Variants in TSNARE1 observed in about 807,000 individuals in gnomAD.
The protein encoded by TSNARE1 is t-SNARE domain-containing protein 1.
In TSNARE1, 49 loss-of-function variants were observed where a neutral mutation model predicts 62.0. That is an observed-to-expected ratio of 0.79 (90% confidence interval 0.63 to 1.00). TSNARE1 has a LOEUF of 1.00. Among genes scored for constraint, TSNARE1 ranks in the 50% least tolerant of loss-of-function variants. The pLI is 0.00. For synonymous variants in TSNARE1, 328 were observed against 294.4 expected, an observed-to-expected ratio of 1.11 and a Z score of -1.17; for missense variants, 755 against 700.1, an observed-to-expected ratio of 1.08 and a Z score of -0.88.
chr8:142,246,419 A>T (rs1046712849), intron 12 of TSNARE1, among the ~76,000 whole-genome samples: 3 of 149,728 alleles, frequency 2.0e-5, no homozygotes, highest in Non-Finnish European at 4.5e-5. Context: ...GCCTGCCCCC[A>T]TCTGAGGAGT....
At chr8:142,316,287 C>T (rs1405663469) in intron 7 of TSNARE1, among the ~76,000 whole-genome samples, 4 of 151,674 alleles carry the variant, frequency 2.6e-5, no homozygotes, top group Non-Finnish European at 5.9e-5. Flanking sequence ...AGCACCTGGT[C>T]CCCACAGAGT....
intron 9 of TSNARE1, among the ~76,000 whole-genome samples, chr8:142,314,072 C>A (rs1250486423): frequency 6.6e-6 from 1 of 152,244 alleles, no homozygotes; most frequent in Non-Finnish European, 1.5e-5. Context: ...AGCCACCGCG[C>A]CCGGCCACGT....
At chr8:142,304,496 A>C (rs1177027371) in intron 9 of TSNARE1, among the ~76,000 whole-genome samples, 1 of 152,170 alleles carries the variant, frequency 6.6e-6, no homozygotes, top group African/African-American at 2.4e-5. Context: ...CTGACCCCTC[A>C]TGTCTGCAGA....
Position 142,287,049 on chromosome 8 carries a change from C to T in TSNARE1, c.1291-2564G>A, listed in dbSNP as rs139776212. 3.9e-3 allele frequency among the ~76,000 whole-genome samples: 599 copies of T among 152,370 alleles called. 5 individuals are homozygous for T. Among genetic ancestry groups the T allele is most frequent in the African/African-American group, 0.014 (569 of 41,580 alleles). ...GAAAATGCTGGAATCCGCATCCAAC[C>T]CACATTTAGACAGACTCCAACCCAG... is the stretch of plus-strand genomic sequence containing the variant. On this transcript the variant is annotated intron_variant, in intron 10 of 13. Transcript: ENST00000524325.
At position 142,354,641 on chromosome 8, in the gene TSNARE1, G is replaced by C. The variant is rs1283338230; in HGVS notation, c.84C>G (p.Pro28=). 3 of 1,611,832 alleles carry C rather than the reference G, an allele frequency of 1.9e-6. No individual in the cohort carries two copies. Among genetic ancestry groups the C allele is most frequent in the Non-Finnish European group, 2.5e-6 (3 of 1,178,860 alleles). The part of the protein sequence containing the change: ...FGGPSRQGCQ[P]LECARCWTEY... ...ACTTCCAGCTACTATCATTACCTAG[G>C]GGCTGACAGCCTTGTCTCGAAGGTC... is the stretch of plus-strand genomic sequence containing the variant. The change falls in exon 2 of 14, where the codon CCC becomes CCG. Residue 28 remains proline, a synonymous_variant. Coordinates refer to ENST00000524325, the MANE Select transcript of TSNARE1 (RefSeq NM_145003.5).
intron 1 of TSNARE1, among the ~76,000 whole-genome samples, chr8:142,361,527 G>C (rs1835161863): frequency 6.6e-6 from 1 of 152,212 alleles, no homozygotes; most frequent in South Asian, 2.1e-4. Flanking sequence ...CGAGGGGCCA[G>C]GGCACGGGCG....
chr8:142,382,893 G>A (rs1836869263), intron 1 of TSNARE1, among the ~76,000 whole-genome samples: 1 of 152,220 alleles, frequency 6.6e-6, no homozygotes, highest in Admixed American at 6.5e-5. Flanking sequence ...GTCCAGGGTG[G>A]AGGCAGCAGG....
At chr8:142,273,469 C>G in intron 12 of TSNARE1, 1 of 985,432 alleles carries the variant, frequency 1.0e-6, no homozygotes, top group Non-Finnish European at 1.2e-6. Flanking sequence ...AGGGCTGAGG[C>G]CAAACAGCCC....
intron 12 of TSNARE1, among the ~76,000 whole-genome samples, chr8:142,251,591 A>T (rs1438223747): frequency 1.3e-5 from 2 of 152,128 alleles, no homozygotes; most frequent in Non-Finnish European, 2.9e-5. Context: ...GGCCCTGGTC[A>T]CATTCCTGCC....
At chr8:142,325,351 TG>T (rs1246560096) in intron 6 of TSNARE1, among the ~76,000 whole-genome samples, 6 of 152,202 alleles carry the variant, frequency 3.9e-5, no homozygotes, top group Non-Finnish European at 8.8e-5. Context: ...GAGCAGGAAC[TG>T]ATGTGATCAG....
At chr8:142,312,489 T>C (rs1827755727) in intron 9 of TSNARE1, among the ~76,000 whole-genome samples, 1 of 152,100 alleles carries the variant, frequency 6.6e-6, no homozygotes, top group Non-Finnish European at 1.5e-5. Flanking sequence ...TCAGGGCTGG[T>C]CTACTTCTGG....
intron 10 of TSNARE1, among the ~76,000 whole-genome samples, chr8:142,296,846 G>A (rs987726119): frequency 4.6e-5 from 7 of 152,072 alleles, no homozygotes; most frequent in African/African-American, 1.2e-4. Context: ...CTCAGAATCC[G>A]ACTGCACCAG....
intron 11 of TSNARE1, chr8:142,278,325 T>C: frequency 1.0e-6 from 1 of 985,406 alleles, no homozygotes; most frequent in Non-Finnish European, 1.2e-6. Flanking sequence ...CGCTCCAAGT[T>C]CTGCCATGGC....
At chr8:142,357,499 G>A (rs894604856) in intron 1 of TSNARE1, among the ~76,000 whole-genome samples, 3 of 152,228 alleles carry the variant, frequency 2.0e-5, no homozygotes, top group Non-Finnish European at 4.4e-5. Flanking sequence ...CTGGGGGCAC[G>A]TGAGGGGCTG....
intron 1 of TSNARE1, among the ~76,000 whole-genome samples, chr8:142,378,407 G>A (rs1048193925): frequency 3.3e-5 from 5 of 152,340 alleles, no homozygotes; most frequent in South Asian, 2.1e-4. Flanking sequence ...GATCACCTTC[G>A]TGGCACGAGC....
chr8:142,385,556 A>G (rs1422093823), intron 1 of TSNARE1, among the ~76,000 whole-genome samples: 1 of 152,218 alleles, frequency 6.6e-6, no homozygotes, highest in Non-Finnish European at 1.5e-5. Context: ...GGAGGGGAAT[A>G]CGACAAGAGG....
intron 12 of TSNARE1, chr8:142,273,132 C>T (rs532346602): frequency 3.6e-5 from 35 of 985,414 alleles, no homozygotes; most frequent in Middle Eastern, 5.2e-4. Flanking sequence ...GAATGCGGCA[C>T]GGCGTCCATG....
chr8:142,377,909 G>T (rs914279689), intron 1 of TSNARE1, among the ~76,000 whole-genome samples: 1 of 152,252 alleles, frequency 6.6e-6, no homozygotes, highest in Admixed American at 6.5e-5. Context: ...TCTAACCAGG[G>T]TCTATACACG....
chr8:142,228,654 C>T lies in TSNARE1; in HGVS notation c.*11+819G>A, dbSNP rs564218239. On this transcript the variant is annotated intron_variant, in intron 13 of 13. Transcript: ENST00000524325. ...TCAGGGTGGCCTTGCCCCAGTGGCT[C>T]TGAGTTGCAAGAACACAGGGCACCC... Among the ~76,000 whole-genome samples, 3 of 152,244 alleles carry T rather than the reference C, an allele frequency of 2.0e-5. No individual in the cohort carries two copies. In the South Asian group the frequency reaches 6.2e-4, roughly 32 times the overall value.
Sources: allele counts gnomAD v4.1 joint callset (sites outside exome capture counted in the v4.1 genomes callset), GRCh38; gene constraint gnomAD v4.1.1; transcripts MANE v1.5; gene names NCBI Gene and HGNC (gene_info 2026-07-23, HGNC 2026-07-21).